Variants in CCSER1 observed in about 807,000 individuals in gnomAD.
CCSER1 encodes coiled-coil serine rich protein 1.
CCSER1 carries 41 observed loss-of-function variants against 82.0 expected under a neutral mutation model. The ratio of observed to expected loss-of-function variants is 0.50; its 90% CI spans 0.39 to 0.65. The LOEUF (loss-of-function observed/expected upper bound fraction) is 0.65, where lower values mean the gene tolerates loss of function less well. CCSER1 is among the 30% of genes least tolerant of loss of function. The pLI, the probability that CCSER1 is intolerant of heterozygous loss-of-function variation, is 0.00. For missense variants in CCSER1, 1,119 were observed against 1,064.2 expected (o/e 1.05, Z -0.72); for synonymous variants, 414 against 383.9 (o/e 1.08, Z -0.92).
intron 3 of CCSER1, among the ~76,000 whole-genome samples, chr4:90,344,109 T>C (rs1377835364): frequency 6.6e-6 from 1 of 152,208 alleles, no homozygotes; most frequent in Non-Finnish European, 1.5e-5. Context: ...TTTCAACTTT[T>C]AGATCCCATA....
chr4:91,512,547 C>A (rs1027074205), intron 10 of CCSER1, among the ~76,000 whole-genome samples: 1 of 152,110 alleles, frequency 6.6e-6, no homozygotes, highest in Non-Finnish European at 1.5e-5. Context: ...TTGAAGACAG[C>A]CTATTGTGAG....
chr4:90,943,729 ATTTTTTTTTTTTT>A (rs70965460), intron 9 of CCSER1, among the ~76,000 whole-genome samples: 3 of 68,886 alleles, frequency 4.4e-5, no homozygotes, highest in South Asian at 5.4e-4. Context: ...TGCCAGGCTA[ATTTTTTTTTTTTT>A]TTTTTTTTTT....
intron 1 of CCSER1, among the ~76,000 whole-genome samples, chr4:90,306,056 A>G (rs1734215258): frequency 6.6e-6 from 1 of 152,252 alleles, no homozygotes; most frequent in Non-Finnish European, 1.5e-5. Context: ...ATTATGCTCA[A>G]TGAAATAACC....
chr4:91,427,535 G>A (rs1166189418), intron 10 of CCSER1, among the ~76,000 whole-genome samples: 4 of 151,982 alleles, frequency 2.6e-5, no homozygotes, highest in African/African-American at 7.2e-5. Flanking sequence ...GATATACAAT[G>A]GAGAAAAAAA....
Position 91,129,683 on chromosome 4 carries a change from AAGAC to A in CCSER1, c.2217+43693_2217+43696del, listed in dbSNP as rs1191937683. The stretch of plus-strand genomic sequence containing the variant: ...ACTCTTGGACACGAAGAGTGGGAAA[AAGAC>A]AGAGATAACTACAGTGTTGGAAACA... On this transcript the variant is annotated intron_variant, in intron 10 of 10. Coordinates refer to ENST00000509176, the MANE Select transcript of CCSER1 (RefSeq NM_001145065.2). Among the ~76,000 whole-genome samples, 5 of 152,206 alleles carry A rather than the reference AAGAC, an allele frequency of 3.3e-5. No individual in the cohort carries two copies. In the South Asian group the frequency reaches 1.0e-3, roughly 32 times the overall value.
At position 91,513,370 on chromosome 4, in the gene CCSER1, A is replaced by G. The variant is rs532568842; in HGVS notation, c.2218-85202A>G. Reference sequence around the variant, plus strand: ...GCTACTGGATTTGGTTTGCTAGTATATTGTTGAGAATTTTTACATCTGTGT... The same window carrying G: ...GCTACTGGATTTGGTTTGCTAGTATGTTGTTGAGAATTTTTACATCTGTGT... On this transcript the variant is annotated intron_variant, in intron 10 of 10. Coordinates refer to ENST00000509176, the MANE Select transcript of CCSER1 (RefSeq NM_001145065.2). Among the ~76,000 whole-genome samples the G allele has an allele frequency of 3.3e-5, 5 of 152,148 alleles. No individual in the cohort carries two copies. In the East Asian group the frequency reaches 9.7e-4, roughly 29 times the overall value.
intron 1 of CCSER1, among the ~76,000 whole-genome samples, chr4:90,158,341 G>A (rs1578241867): frequency 6.6e-6 from 1 of 152,214 alleles, no homozygotes; most frequent in African/African-American, 2.4e-5. Flanking sequence ...GGACCCACTT[G>A]AGGAGGCCGT....
At chr4:91,459,837 G>A (rs1756399381) in intron 10 of CCSER1, among the ~76,000 whole-genome samples, 1 of 152,026 alleles carries the variant, frequency 6.6e-6, no homozygotes, top group Non-Finnish European at 1.5e-5. Flanking sequence ...ATAAAATTCT[G>A]TTGTTCACTT....
At chr4:91,286,011 G>T (rs1199854748) in intron 10 of CCSER1, among the ~76,000 whole-genome samples, 1 of 150,546 alleles carries the variant, frequency 6.6e-6, no homozygotes, top group African/African-American at 2.4e-5. Context: ...AAGGTGTGAT[G>T]AATACTTTCC....
At chr4:90,634,555 T>A (rs543479543) in intron 6 of CCSER1, among the ~76,000 whole-genome samples, 1 of 151,892 alleles carries the variant, frequency 6.6e-6, no homozygotes, top group South Asian at 2.1e-4. Flanking sequence ...TTACTGCATT[T>A]CAGTAATTGA....
intron 9 of CCSER1, among the ~76,000 whole-genome samples, chr4:90,981,265 G>A (rs1375525844): frequency 6.6e-6 from 1 of 151,622 alleles, no homozygotes; most frequent in African/African-American, 2.4e-5. Flanking sequence ...ATATTTCCTA[G>A]TATCAGCTCC....
intron 8 of CCSER1, among the ~76,000 whole-genome samples, chr4:90,918,634 G>GATATAT (rs1363853552): frequency 2.0e-5 from 3 of 148,870 alleles, no homozygotes; most frequent in Non-Finnish European, 4.4e-5. Context: ...GCTCATTCAA[G>GATATAT]AGAGATATAT....
intron 1 of CCSER1, among the ~76,000 whole-genome samples, chr4:90,266,096 C>G (rs1326077052): frequency 6.6e-6 from 1 of 152,076 alleles, no homozygotes; most frequent in Non-Finnish European, 1.5e-5. Context: ...CCCACTAAAA[C>G]ATAGCTGTTA....
chr4:90,338,605 A>T (rs116381334), intron 3 of CCSER1, among the ~76,000 whole-genome samples: 6,530 of 152,284 alleles, frequency 0.043, 200 homozygotes, highest in African/African-American at 0.077. Flanking sequence ...GTATTCAGTT[A>T]ATTAATGTTT....
intron 10 of CCSER1, among the ~76,000 whole-genome samples, chr4:91,476,039 A>G (rs112298226): frequency 0.01 from 1,587 of 151,954 alleles, 13 homozygotes; most frequent in Middle Eastern, 0.02. Flanking sequence ...GTACTCATAC[A>G]TCGATGGACA....
intron 10 of CCSER1, among the ~76,000 whole-genome samples, chr4:91,410,697 G>T (rs1338493246): frequency 6.6e-6 from 1 of 152,054 alleles, no homozygotes; most frequent in Non-Finnish European, 1.5e-5. Context: ...AAGAGAAAAA[G>T]AATGTATAAT....
chr4:90,582,821 G>T (rs903486660), intron 5 of CCSER1, among the ~76,000 whole-genome samples: 2 of 152,084 alleles, frequency 1.3e-5, no homozygotes, highest in Non-Finnish European at 2.9e-5. Context: ...GTAGAAAATT[G>T]ATCCAATTAC....
chr4:90,628,300 G>A, intron 6 of CCSER1, 68 bp downstream of exon 6: 2 of 1,260,308 alleles, frequency 1.6e-6, no homozygotes, highest in Admixed American at 1.8e-5. Flanking sequence ...GACGTGGTTA[G>A]ACCCTGCTCT....
chr4:90,283,809 CG>C (rs1045562850), intron 1 of CCSER1, among the ~76,000 whole-genome samples: 1 of 151,926 alleles, frequency 6.6e-6, no homozygotes, highest in African/African-American at 2.4e-5. Context: ...TATCTCTTTT[CG>C]TTGTATTGAT....
Sources: gnomAD v4.1 joint callset for allele counts (sites outside exome capture counted in the v4.1 genomes callset) on GRCh38, gnomAD v4.1.1 for gene constraint, MANE v1.5 for transcripts, NCBI Gene and HGNC (gene_info 2026-07-23, HGNC 2026-07-21) for gene names.